MYH15: variants seen among roughly 807,000 people sequenced by gnomAD.
MYH15 encodes myosin heavy chain 15.
Under a neutral mutation model 240.5 loss-of-function variants are expected in MYH15, and 227 were observed. The observed-to-expected ratio is 0.94, with a 90% CI of 0.85 to 1.05. MYH15 has a LOEUF of 1.05. MYH15 is among the 50% of genes least tolerant of loss of function. MYH15 has a pLI of 0.00. For missense variants in MYH15, 2,217 were observed against 2,247.5 expected (o/e 0.99, Z 0.27); for synonymous variants, 785 against 796.7 (o/e 0.99, Z 0.25).
At position 108,463,103 on chromosome 3, in the gene MYH15, T is replaced by C; in HGVS notation, c.1864+8A>G. On this transcript the variant is annotated splice_region_variant and intron_variant, in intron 16 of 40. Transcript: ENST00000693548. ...GGCTGAAAAATCAAGGAAGATTGTATGACTCACCACTGTCAGTACTCATGT... is the reference window on the plus strand; with the variant it reads ...GGCTGAAAAATCAAGGAAGATTGTACGACTCACCACTGTCAGTACTCATGT... 6.3e-7 allele frequency: 1 copy of C among 1,590,502 alleles called. No homozygotes were observed. Among genetic ancestry groups the C allele is most frequent in the Non-Finnish European group, 8.5e-7 (1 of 1,173,598 alleles).
In MYH15 at chr3:108,476,381, T is replaced by C. The variant is rs758564900; in HGVS notation, c.1233+16A>G. Reference sequence around the variant, plus strand: ...GAAGATCATAGAATAATAATGCTCTTGAAATATCACCTTACCTGTTCTATA... The same window carrying C: ...GAAGATCATAGAATAATAATGCTCTCGAAATATCACCTTACCTGTTCTATA... On this transcript the variant is annotated intron_variant, in intron 12 of 40. Transcript: ENST00000693548. The C allele has an allele frequency of 7.1e-7, 1 of 1,416,126 alleles. No homozygotes were observed. The highest frequency in any genetic ancestry group is 1.2e-5 in the South Asian group (1 of 86,756). 87.7% of individuals were successfully genotyped at this position (1,416,126 alleles called of 1,614,324 possible). A position where few individuals can be genotyped will look rare whatever the true frequency, so the allele number is the denominator to read the frequency against.
chr3:108,509,963 A>G (rs2083509254), intron 1 of MYH15, among the ~76,000 whole-genome samples: 1 of 152,164 alleles, frequency 6.6e-6, no homozygotes, highest in Non-Finnish European at 1.5e-5. Context: ...GCAAGGCTCC[A>G]ACATCAAAAA....
At chr3:108,474,282 GC>G (rs2083201329) in intron 12 of MYH15, among the ~76,000 whole-genome samples, 1 of 151,550 alleles carries the variant, frequency 6.6e-6, no homozygotes, top group Non-Finnish European at 1.5e-5. Context: ...GAGAGAGAGA[GC>G]GAGAGGAGGA....
Position 108,429,607 on chromosome 3 carries a change from C to T in MYH15, c.3313-726G>A, listed in dbSNP as rs148168452. ...AAATCCTGAGAACATTACTGTATTA[C>T]AGTACAATGAAGCCACTGATGTTAT... On this transcript the variant is annotated intron_variant, in intron 26 of 40. Coordinates refer to ENST00000693548, the MANE Select transcript of MYH15 (RefSeq NM_014981.3). Among the ~76,000 whole-genome samples, 89 of 152,156 alleles carry T rather than the reference C, an allele frequency of 5.8e-4. No homozygotes were observed. The East Asian group carries it at 0.015, about 26-fold the overall frequency.
chr3:108,401,052 C>T (rs542649538), intron 33 of MYH15, among the ~76,000 whole-genome samples: 1 of 152,176 alleles, frequency 6.6e-6, no homozygotes, highest in Admixed American at 6.5e-5. Flanking sequence ...GTTGGTATCT[C>T]ATGCCTGTCC....
intron 9 of MYH15, among the ~76,000 whole-genome samples, chr3:108,489,899 C>G (rs553104519): frequency 1.3e-5 from 2 of 152,300 alleles, no homozygotes; most frequent in African/African-American, 4.8e-5. Context: ...AGATGTCAGA[C>G]TTTGCACAGT....
intron 1 of MYH15, among the ~76,000 whole-genome samples, chr3:108,519,061 G>A (rs1559675591): frequency 6.6e-6 from 1 of 152,136 alleles, no homozygotes; most frequent in African/African-American, 2.4e-5. Context: ...TCTTAAGCAT[G>A]ATGCTATACT....
Position 108,410,609 on chromosome 3 carries a change from A to G in MYH15, c.4469T>C (p.Leu1490Pro). The G allele has an allele frequency of 6.3e-7, 1 of 1,598,636 alleles. No individual in the cohort carries two copies. The highest frequency in any genetic ancestry group is 8.6e-7 in the Non-Finnish European group (1 of 1,167,626). The change falls in exon 31 of 41, where the codon CTC becomes CCC. Residue 1490 changes from leucine (L) to proline (P), a missense_variant. Coordinates refer to ENST00000693548, the MANE Select transcript of MYH15 (RefSeq NM_014981.3). The part of the protein sequence containing the change: ...YEESIVGQET[L>P]RRENKNLQEE... ...TTGGAGGTTCTTGTTCTCCCTCCTG[A>G]GTGTCTCCTGGCCCACGATGCTCTC...
At chr3:108,509,672 A>C (rs2083506916) in intron 1 of MYH15, among the ~76,000 whole-genome samples, 1 of 152,242 alleles carries the variant, frequency 6.6e-6, no homozygotes, top group Non-Finnish European at 1.5e-5. Flanking sequence ...GGATTAAGAC[A>C]TGTAGGTAGC....
rs567382752 is a variant in MYH15 at position 108,416,202 on chromosome 3, CTG to C, written c.3948+608_3948+609del. On this transcript the variant is annotated intron_variant, in intron 29 of 40. Transcript: ENST00000693548. ...AATATTTTAAAACAGACTCAACTAC[CTG>C]TGTTTTCACAGTATACGCCTTCATA... 8.3e-3 allele frequency among the ~76,000 whole-genome samples: 1,266 copies of C among 152,186 alleles called. 10 individuals are homozygous for C. Among genetic ancestry groups the C allele is most frequent in the Non-Finnish European group, 0.015 (995 of 67,994 alleles).
rs34885657 is a variant in MYH15, at chr3:108,435,837, T to TACACAC, written c.3221+1711_3221+1716dup. On this transcript the variant is annotated intron_variant, in intron 25 of 40. Transcript: ENST00000693548. Reference sequence around the variant, plus strand: ...GTATATATACATATATGTATATGTATACACACACACACACACACACACACA... The same window carrying TACACAC: ...GTATATATACATATATGTATATGTATACACACACACACACACACACACACACACACA... 7.6e-3 allele frequency among the ~76,000 whole-genome samples: 1,119 copies of TACACAC among 147,336 alleles called. 9 individuals carry two copies. The highest frequency in any genetic ancestry group is 0.023 in the South Asian group (108 of 4,618).
intron 25 of MYH15, among the ~76,000 whole-genome samples, chr3:108,433,309 C>G (rs1576230473): frequency 6.6e-6 from 1 of 152,182 alleles, no homozygotes; most frequent in Admixed American, 6.5e-5. Context: ...GCCTGTACCC[C>G]CATTGTGTCT....
chr3:108,429,518 A>G (rs944398292), intron 26 of MYH15, among the ~76,000 whole-genome samples: 5 of 151,398 alleles, frequency 3.3e-5, no homozygotes, highest in African/African-American at 9.8e-5. Context: ...GGATTATTGG[A>G]AAAAAAAGGT....
Position 108,381,324 on chromosome 3 carries a change from A to T in MYH15, c.*221T>A, listed in dbSNP as rs544763948. The T allele has an allele frequency of 5.5e-5, 33 of 597,072 alleles. No homozygotes were observed. The highest frequency in any genetic ancestry group is 5.4e-4 in the African/African-American group (29 of 53,846). 37.0% of individuals were successfully genotyped at this position (597,072 alleles called of 1,614,324 possible). On this transcript the variant is annotated 3_prime_UTR_variant, in exon 41 of 41. Transcript: ENST00000693548. ...ATTTATTTAATCTGTCATGTGAAGC[A>T]TTAGAAGGTAGTTTACTTGCATTTG...
chr3:108,489,954 T>A (rs1576265752), intron 9 of MYH15, among the ~76,000 whole-genome samples: 1 of 152,278 alleles, frequency 6.6e-6, no homozygotes, highest in East Asian at 1.9e-4. Context: ...ATAAATGAAC[T>A]CAGGATAAGC....
intron 6 of MYH15, among the ~76,000 whole-genome samples, chr3:108,497,601 G>A (rs756582662): frequency 1.3e-5 from 2 of 152,036 alleles, no homozygotes; most frequent in Non-Finnish European, 2.9e-5. Flanking sequence ...ACATTGAGGG[G>A]TATATTCATT....
At chr3:108,398,087 A>G (rs1482064206) in intron 35 of MYH15, among the ~76,000 whole-genome samples, 1 of 152,182 alleles carries the variant, frequency 6.6e-6, no homozygotes, top group Non-Finnish European at 1.5e-5. Flanking sequence ...GGAAGCTGGA[A>G]AAAAGGGAGG....
At chr3:108,431,535 C>T (rs566948066) in intron 25 of MYH15, among the ~76,000 whole-genome samples, 1 of 152,328 alleles carries the variant, frequency 6.6e-6, no homozygotes, top group South Asian at 2.1e-4. Flanking sequence ...TGTGAGGCCT[C>T]CCCAGCCACA....
At chr3:108,439,508 G>A (rs2082868076) in intron 24 of MYH15, among the ~76,000 whole-genome samples, 2 of 152,064 alleles carry the variant, frequency 1.3e-5, no homozygotes, top group South Asian at 4.1e-4. Context: ...CATTGCCCAG[G>A]GTTGAATGAA....
Sources: gnomAD v4.1 joint callset for allele counts (sites outside exome capture counted in the v4.1 genomes callset) on GRCh38, gnomAD v4.1.1 for gene constraint, MANE v1.5 for transcripts, NCBI Gene and HGNC (gene_info 2026-07-23, HGNC 2026-07-21) for gene names.